The following TNS3 variants were observed in gnomAD, a reference collection of about 807,000 sequenced individuals.
TNS3 encodes tensin 3, also known as tensin-3.
In TNS3, 45 loss-of-function variants were observed where a neutral mutation model predicts 140.9. The ratio of observed to expected loss-of-function variants is 0.32; its 90% CI spans 0.25 to 0.41. The LOEUF (loss-of-function observed/expected upper bound fraction) is 0.41, where lower values mean the gene tolerates loss of function less well. Among genes scored for constraint, TNS3 ranks in the 10% least tolerant of loss-of-function variants. The pLI is 1.00. For missense variants in TNS3, 1,716 were observed against 1,906.7 expected (o/e 0.90, Z 1.86); for synonymous variants, 815 against 788.4 (o/e 1.03, Z -0.56).
intron 20 of TNS3, among the ~76,000 whole-genome samples, chr7:47,322,106 G>C (rs980381437): frequency 1.1e-4 from 16 of 151,462 alleles, no homozygotes; most frequent in Non-Finnish European, 1.6e-4. Context: ...CTCAGCCCCA[G>C]GACCAGGGTC....
In TNS3 at chr7:47,410,297, G is replaced by A. The variant is rs572337789; in HGVS notation, c.723+1430C>T. Among the ~76,000 whole-genome samples, 18 of 152,364 alleles carry A rather than the reference G, an allele frequency of 1.2e-4. 1 individual carries two copies. The South Asian group carries it at 1.7e-3, about 14-fold the overall frequency. On this transcript the variant is annotated intron_variant, in intron 13 of 30. Coordinates refer to ENST00000311160, the MANE Select transcript of TNS3 (RefSeq NM_022748.12). ...TCCTCCTCCTTAGGACAGTAGAACA[G>A]AGAGCTGAGGAAACGGGCCTATAAA...
chr7:47,410,769 A>G lies in TNS3; in HGVS notation c.723+958T>C, dbSNP rs1448602760. 2.0e-5 allele frequency among the ~76,000 whole-genome samples: 3 copies of G among 152,364 alleles called. No homozygotes were observed. The East Asian group carries it at 5.8e-4, about 29-fold the overall frequency. ...ACTGCCTTATAGAAGTGGGTCTTCC[A>G]AGGCCATGAAATCTTTACATTCTAT... On this transcript the variant is annotated intron_variant, in intron 13 of 30. Transcript: ENST00000311160.
At chr7:47,456,698 G>A (rs1796260599) in intron 4 of TNS3, among the ~76,000 whole-genome samples, 1 of 152,108 alleles carries the variant, frequency 6.6e-6, no homozygotes, top group South Asian at 2.1e-4. Context: ...AACGCTCAAG[G>A]ACCAGCACGT....
intron 27 of TNS3, among the ~76,000 whole-genome samples, chr7:47,291,691 T>C (rs1204391236): frequency 1.3e-5 from 2 of 152,102 alleles, no homozygotes; most frequent in East Asian, 3.9e-4. Flanking sequence ...TCTTACTATA[T>C]TTTCCCCCAA....
intron 16 of TNS3, 67 bp downstream of exon 16, chr7:47,396,733 T>A (rs1377054668): frequency 7.6e-7 from 1 of 1,320,806 alleles, no homozygotes; most frequent in Non-Finnish European, 1.1e-6. Context: ...ATACTTCAGA[T>A]ATTTGAGTGG....
chr7:47,336,189 T>TAAAA (rs10551215), intron 20 of TNS3, among the ~76,000 whole-genome samples: 1 of 133,126 alleles, frequency 7.5e-6, no homozygotes, highest in African/African-American at 2.7e-5. Context: ...CAAGCAGAGT[T>TAAAA]AAAAAAAAAA....
intron 16 of TNS3, among the ~76,000 whole-genome samples, chr7:47,384,477 G>A (rs896341304): frequency 1.3e-5 from 2 of 152,192 alleles, no homozygotes. Context: ...TCTCATCACC[G>A]GCATTTCTGT....
rs536576033 is a variant in TNS3, at chr7:47,534,102, C to T, written c.-264-4955G>A. Among the ~76,000 whole-genome samples, 3 of 151,838 alleles carry T rather than the reference C, an allele frequency of 2.0e-5. No homozygotes were observed. The South Asian group carries it at 6.2e-4, about 32-fold the overall frequency. On this transcript the variant is annotated intron_variant, in intron 1 of 30. Coordinates refer to ENST00000311160, the MANE Select transcript of TNS3 (RefSeq NM_022748.12). ...CAGCCTGGCCAACATGGTGAAACCCCGTCTCTACTAAAAATATAAAAATTA... is the reference window on the plus strand; with the variant it reads ...CAGCCTGGCCAACATGGTGAAACCCTGTCTCTACTAAAAATATAAAAATTA...
At chr7:47,288,714 A>T (rs995640920) in intron 27 of TNS3, among the ~76,000 whole-genome samples, 1 of 152,180 alleles carries the variant, frequency 6.6e-6, no homozygotes, top group Admixed American at 6.5e-5. Context: ...GGTCCCTCAC[A>T]AGGGAAAGGG....
At chr7:47,503,373 C>T (rs564450476) in intron 3 of TNS3, among the ~76,000 whole-genome samples, 23 of 152,106 alleles carry the variant, frequency 1.5e-4, no homozygotes, top group African/African-American at 5.5e-4. Flanking sequence ...TTTCCTCCCC[C>T]TTCTCCCCTC....
At chr7:47,409,948 C>T (rs977494935) in intron 13 of TNS3, among the ~76,000 whole-genome samples, 3 of 152,214 alleles carry the variant, frequency 2.0e-5, no homozygotes, top group Non-Finnish European at 2.9e-5. Context: ...TGAGCCACTG[C>T]GCCCAGCCCG....
At chr7:47,323,848 T>C (rs1046401680) in intron 20 of TNS3, among the ~76,000 whole-genome samples, 4 of 151,946 alleles carry the variant, frequency 2.6e-5, no homozygotes, top group Non-Finnish European at 5.9e-5. Flanking sequence ...TATCAATAAA[T>C]AAAGACAGAG....
intron 16 of TNS3, among the ~76,000 whole-genome samples, chr7:47,377,195 G>A (rs1209361251): frequency 2.0e-5 from 3 of 152,222 alleles, no homozygotes; most frequent in Admixed American, 6.5e-5. Flanking sequence ...TTATTGGAAT[G>A]ATGTCTGCAG....
At chr7:47,363,287 T>C (rs990037250) in intron 17 of TNS3, among the ~76,000 whole-genome samples, 1 of 151,466 alleles carries the variant, frequency 6.6e-6, no homozygotes. Flanking sequence ...GTCATTACCA[T>C]CATCACCATC....
At chr7:47,389,071 A>AGCG (rs1562675087) in intron 16 of TNS3, among the ~76,000 whole-genome samples, 1 of 50,070 alleles carries the variant, frequency 2.0e-5, no homozygotes. Flanking sequence ...AAGAAGAAGA[A>AGCG]GAAGAAGAAG....
chr7:47,315,018 A>G (rs1032783494), intron 20 of TNS3, among the ~76,000 whole-genome samples: 1 of 152,236 alleles, frequency 6.6e-6, no homozygotes, highest in African/African-American at 2.4e-5. Context: ...TCCCCTATGA[A>G]GATGTGTTTC....
At chr7:47,506,971 G>A (rs1302917630) in intron 2 of TNS3, 27 bp from the exon 3 acceptor site, 2 of 1,284,004 alleles carry the variant, frequency 1.6e-6, no homozygotes, top group Non-Finnish European at 1.0e-6. Flanking sequence ...GAGAAAGAAT[G>A]TGTGTCAAGC....
At position 47,446,688 on chromosome 7, in the gene TNS3, CTTTTTT is replaced by C. The variant is rs144042398; in HGVS notation, c.-75-4639_-75-4634del. On this transcript the variant is annotated intron_variant, in intron 4 of 30. Transcript: ENST00000311160. Reference sequence around the variant, plus strand: ...CAAAGACCGCCCTGTTCCAGGCTGCCTTTTTTTTTTTTTTTTTTTTTTTTTGAGTCT... The same window carrying C: ...CAAAGACCGCCCTGTTCCAGGCTGCCTTTTTTTTTTTTTTTTTTTGAGTCT... Among the ~76,000 whole-genome samples the C allele has an allele frequency of 1.2e-3, 118 of 96,716 alleles. 1 individual carries two copies. In the East Asian group the frequency reaches 0.021, roughly 17 times the overall value. The allele number at this position is 96,716 out of a possible 152,430, so 63.4% of individuals were successfully genotyped here.
At chr7:47,458,551 G>T (rs774283385) in intron 4 of TNS3, among the ~76,000 whole-genome samples, 1 of 152,230 alleles carries the variant, frequency 6.6e-6, no homozygotes, top group South Asian at 2.1e-4. Context: ...TATAAAACAA[G>T]ATGAAATAAA....
Sources: allele counts gnomAD v4.1 joint callset (sites outside exome capture counted in the v4.1 genomes callset), GRCh38; gene constraint gnomAD v4.1.1; transcripts MANE v1.5; gene names NCBI Gene and HGNC (gene_info 2026-07-23, HGNC 2026-07-21).